ASH1L: variants seen among roughly 807,000 people sequenced by gnomAD.
The protein encoded by ASH1L is histone-lysine N-methyltransferase ASH1L.
A neutral mutation model predicts 269.0 loss-of-function variants in ASH1L; 23 were observed. The ratio of observed to expected loss-of-function variants is 0.09; its 90% CI spans 0.06 to 0.12. ASH1L has a LOEUF of 0.12. Ranked by LOEUF, ASH1L falls within the 10% of genes least tolerant of loss-of-function variation. The pLI is 1.00. For synonymous variants in ASH1L, 1,187 were observed against 1,253.5 expected (o/e 0.95, Z 1.12); for missense variants, 2,912 against 3,567.8 (o/e 0.82, Z 4.68).
At chr1:155,533,668 C>T (rs757808279) in intron 1 of ASH1L, among the ~76,000 whole-genome samples, 2 of 150,844 alleles carry the variant, frequency 1.3e-5, no homozygotes, top group African/African-American at 2.4e-5. Flanking sequence ...GAGCCCAGAT[C>T]GCACCGCTGC....
In ASH1L at chr1:155,347,909, A is replaced by T; in HGVS notation, c.7555-5T>A. The T allele has an allele frequency of 6.2e-7, 1 of 1,612,944 alleles. No individual in the cohort carries two copies. On this transcript the variant is annotated splice_region_variant and splice_polypyrimidine_tract_variant and intron_variant, in intron 19 of 27. Transcript: ENST00000392403. ...GGATTTACGCCCATAGTACTTCTGA[A>T]GAAAGCAAATAAAGAAATCATGTTT...
In ASH1L at chr1:155,481,269, A is replaced by G; in HGVS notation, c.1601T>C (p.Met534Thr). The change falls in exon 3 of 28, where the codon ATG (methionine) becomes ACG (threonine). Residue 534 changes from methionine to threonine, a missense_variant. This residue lies in a region of ASH1L where 715 missense variants were observed against 721.0 expected (regional missense o/e 0.99). Coordinates refer to ENST00000392403, the MANE Select transcript of ASH1L (RefSeq NM_018489.3). The stretch of plus-strand genomic sequence containing the variant: ...GGTAGATACATCAGAAGCACCTCCC[A>G]TTTTAAAGTCCGGAGAAGTGCAATA... ...PVYCTSPDFK[M>T]GGASDVSTAK... 1.9e-6 allele frequency: 3 copies of G among 1,614,146 alleles called. No individual in the cohort carries two copies. Among genetic ancestry groups the G allele is most frequent in the Non-Finnish European group, 2.5e-6 (3 of 1,179,994 alleles).
At chr1:155,562,948 C>G (rs553828691), upstream of ASH1L, 8 of 456,992 alleles carry the variant, frequency 1.8e-5, no homozygotes, top group South Asian at 3.1e-5. Context: ...CACAATCCCC[C>G]CCGCGGGACT....
rs554354862 is a variant in ASH1L, at chr1:155,369,238, T to C, written c.6686+1266A>G. 5.1e-4 allele frequency among the ~76,000 whole-genome samples: 78 copies of C among 152,156 alleles called. 1 individual carries two copies. Among genetic ancestry groups the C allele is most frequent in the African/African-American group, 1.9e-3 (77 of 41,540 alleles). Reference sequence around the variant, plus strand: ...GCGGGCGGATCACAAGGTCAGGAGATCGAGACCATCCTGGCTAACACAGTG... The same window carrying C: ...GCGGGCGGATCACAAGGTCAGGAGACCGAGACCATCCTGGCTAACACAGTG... On this transcript the variant is annotated intron_variant, in intron 12 of 27. Coordinates refer to ENST00000392403, the MANE Select transcript of ASH1L (RefSeq NM_018489.3).
chr1:155,376,028 C>T (rs1188660795), intron 10 of ASH1L, among the ~76,000 whole-genome samples: 2 of 152,114 alleles, frequency 1.3e-5, no homozygotes, highest in Admixed American at 6.6e-5. Flanking sequence ...TGCTTGAGTC[C>T]GGAAGGTAGA....
At chr1:155,502,573 C>T (rs1490481669) in intron 2 of ASH1L, among the ~76,000 whole-genome samples, 2 of 152,136 alleles carry the variant, frequency 1.3e-5, no homozygotes, top group Admixed American at 1.3e-4. Context: ...CACCCTGACA[C>T]TGAAGGAGCC....
chr1:155,413,581 T>G (rs1659974574), intron 6 of ASH1L, among the ~76,000 whole-genome samples: 1 of 152,210 alleles, frequency 6.6e-6, no homozygotes, highest in Non-Finnish European at 1.5e-5. Context: ...CACTCCAGCC[T>G]GGGCAACAAG....
At chr1:155,391,681 A>G (rs58850753) in intron 7 of ASH1L, among the ~76,000 whole-genome samples, 8,490 of 152,204 alleles carry the variant, frequency 0.056, 791 homozygotes, top group African/African-American at 0.2. Flanking sequence ...TCGGCCGGGC[A>G]CAGTGGCTCA....
chr1:155,467,099 T>C (rs1437012939), intron 3 of ASH1L, among the ~76,000 whole-genome samples: 1 of 152,204 alleles, frequency 6.6e-6, no homozygotes, highest in Non-Finnish European at 1.5e-5. Context: ...CTATGACTTG[T>C]AAGCTATAAA....
At chr1:155,545,152 A>G (rs760889149) in intron 1 of ASH1L, among the ~76,000 whole-genome samples, 5 of 144,246 alleles carry the variant, frequency 3.5e-5, no homozygotes, top group Non-Finnish European at 7.6e-5. Context: ...AGCCTGGGCA[A>G]GAAGAGCAAA....
At chr1:155,488,477 G>C (rs1202538931) in intron 2 of ASH1L, among the ~76,000 whole-genome samples, 1 of 140,350 alleles carries the variant, frequency 7.1e-6, no homozygotes, top group African/African-American at 2.6e-5. Flanking sequence ...GGCCAACATG[G>C]TGAAACTCGC....
chr1:155,353,536 T>A (rs1309892803), intron 16 of ASH1L, among the ~76,000 whole-genome samples: 1 of 152,152 alleles, frequency 6.6e-6, no homozygotes, highest in African/African-American at 2.4e-5. Context: ...TTTTGAACAC[T>A]CTGTTTTCAG....
chr1:155,560,463 A>C (rs1356741346), intron 1 of ASH1L, among the ~76,000 whole-genome samples: 1 of 152,244 alleles, frequency 6.6e-6, no homozygotes, highest in Non-Finnish European at 1.5e-5. Flanking sequence ...CAGCCCAGCC[A>C]AGAAGTTCCA....
chr1:155,424,324 T>G (rs1660957392), intron 5 of ASH1L, among the ~76,000 whole-genome samples: 1 of 152,162 alleles, frequency 6.6e-6, no homozygotes, highest in South Asian at 2.1e-4. Flanking sequence ...CATATGGCTT[T>G]GAAGTGGATT....
chr1:155,561,328 C>T (rs1671948475), intron 1 of ASH1L, among the ~76,000 whole-genome samples: 1 of 138,372 alleles, frequency 7.2e-6, no homozygotes, highest in Non-Finnish European at 1.6e-5. Flanking sequence ...CTCACTCTAA[C>T]CAAAGGCACA....
At chr1:155,433,764 A>C (rs1427070273) in intron 5 of ASH1L, 2 of 1,605,432 alleles carry the variant, frequency 1.2e-6, no homozygotes, top group Admixed American at 3.4e-5. Context: ...CTTAGCTTCA[A>C]GAACATGTGT....
chr1:155,562,680 C>G lies in ASH1L; in HGVS notation c.-627G>C, dbSNP rs1443023332. On this transcript the variant is annotated 5_prime_UTR_variant, in exon 1 of 28. Coordinates refer to ENST00000392403, the MANE Select transcript of ASH1L (RefSeq NM_018489.3). ...CACCTTCGGCCGCCCCGCGCGCCAG[C>G]CAGCCCGTACGCGCTCACCCACAGG... 1 of 1,519,244 alleles carries G rather than the reference C, an allele frequency of 6.6e-7. No individual in the cohort carries two copies. The highest frequency in any genetic ancestry group is 2.5e-5 in the East Asian group (1 of 40,564). 94.1% of individuals were successfully genotyped at this position (1,519,244 alleles called of 1,614,324 possible).
At chr1:155,413,576 C>A (rs1659974140) in intron 6 of ASH1L, among the ~76,000 whole-genome samples, 1 of 152,186 alleles carries the variant, frequency 6.6e-6, no homozygotes, top group Admixed American at 6.5e-5. Context: ...CATTGCACTC[C>A]AGCCTGGGCA....
chr1:155,520,975 A>G lies in ASH1L; in HGVS notation c.420+125T>C, dbSNP rs1668847386. 44 of 1,107,036 alleles carry G rather than the reference A, an allele frequency of 4.0e-5. 1 individual carries two copies. In the South Asian group the frequency reaches 6.3e-4, roughly 16 times the overall value. 68.6% of individuals were successfully genotyped at this position (1,107,036 alleles called of 1,614,324 possible). ...CTTGGGGCTTATTTTAAGGCTCACA[A>G]AAACAAACTATCTGGAAATAACATA... On this transcript the variant is annotated intron_variant, in intron 2 of 27. Transcript: ENST00000392403.
Sources: gnomAD v4.1 joint callset for allele counts (sites outside exome capture counted in the v4.1 genomes callset) on GRCh38, gnomAD v4.1.1 for gene constraint, gnomAD v4.1.1 regional missense constraint, MANE v1.5 for transcripts, NCBI Gene and HGNC (gene_info 2026-07-23, HGNC 2026-07-21) for gene names.